ARID1B: variants seen among roughly 807,000 people sequenced by gnomAD.
ARID1B encodes AT-rich interactive domain-containing protein 1B.
ARID1B carries 30 observed loss-of-function variants against 212.3 expected under a neutral mutation model. That is an observed-to-expected ratio of 0.14 (90% CI 0.11 to 0.19). ARID1B has a LOEUF of 0.19. ARID1B is among the 10% of genes least tolerant of loss of function. ARID1B has a pLI of 1.00. For synonymous variants in ARID1B, 1,402 were observed against 1,301.7 expected, an observed-to-expected ratio of 1.08 and a Z score of -1.66; for missense variants, 2,891 against 3,204.0, an observed-to-expected ratio of 0.90 and a Z score of 2.36.
intron 2 of ARID1B, among the ~76,000 whole-genome samples, chr6:156,837,996 C>T (rs925780648): frequency 6.6e-6 from 1 of 152,220 alleles, no homozygotes; most frequent in African/African-American, 2.4e-5. Flanking sequence ...ACTAGATAAA[C>T]AGCAGGAGTT....
At chr6:156,917,497 G>A (rs1362505867) in intron 3 of ARID1B, among the ~76,000 whole-genome samples, 1 of 151,858 alleles carries the variant, frequency 6.6e-6, no homozygotes, top group East Asian at 1.9e-4. Flanking sequence ...CTTAGGAGAA[G>A]ATGTTGATAA....
At chr6:157,072,466 T>C (rs929681445) in intron 4 of ARID1B, 1 of 152,280 alleles carries the variant, frequency 6.6e-6, no homozygotes, top group African/African-American at 2.4e-5. Context: ...GTATTTTGTA[T>C]GTATAAATAA....
At chr6:157,103,330 C>T (rs1253964151) in intron 5 of ARID1B, among the ~76,000 whole-genome samples, 1 of 151,866 alleles carries the variant, frequency 6.6e-6, no homozygotes, top group African/African-American at 2.4e-5. Flanking sequence ...ACCAAACAGT[C>T]TGAATTTTCT....
At chr6:156,956,687 A>G (rs1021249094) in intron 4 of ARID1B, among the ~76,000 whole-genome samples, 3 of 152,204 alleles carry the variant, frequency 2.0e-5, no homozygotes, top group South Asian at 2.1e-4. Flanking sequence ...AATTTTGTTT[A>G]TAGCATGTGT....
chr6:157,208,666 T>C lies in ARID1B; in HGVS notation c.*775T>C, dbSNP rs377406756. 8 of 232,230 alleles carry C rather than the reference T, an allele frequency of 3.4e-5. No individual in the cohort carries two copies. Among genetic ancestry groups the C allele is most frequent in the South Asian group, 3.6e-4 (2 of 5,516 alleles). 14.4% of individuals were successfully genotyped at this position (232,230 alleles called of 1,614,324 possible). A position where few individuals can be genotyped will look rare whatever the true frequency, so the allele number is the denominator to read the frequency against. On this transcript the variant is annotated 3_prime_UTR_variant, in exon 20 of 20. Transcript: ENST00000636930. The stretch of plus-strand genomic sequence containing the variant: ...TATTTTTTTTACTGCCTATGGGCTG[T>C]GATGTATATAGAAGTTGTACATTAA...
intron 2 of ARID1B, among the ~76,000 whole-genome samples, chr6:156,897,257 T>C (rs1788533227): frequency 7.6e-6 from 1 of 130,794 alleles, no homozygotes. Context: ...TTCTTCTTCT[T>C]CTTCTTCTTA....
chr6:156,803,078 T>A (rs1426367858), intron 1 of ARID1B, among the ~76,000 whole-genome samples: 6 of 152,204 alleles, frequency 3.9e-5, no homozygotes, highest in African/African-American at 7.2e-5. Context: ...TGTTTTTTTT[T>A]AAATTACTGC....
intron 5 of ARID1B, among the ~76,000 whole-genome samples, chr6:157,107,378 A>C (rs1786570176): frequency 6.6e-6 from 1 of 152,204 alleles, no homozygotes; most frequent in African/African-American, 2.4e-5. Context: ...TAAGATGTTA[A>C]CATTGGAGGA....
chr6:157,177,942 C>T (rs1010126945), intron 11 of ARID1B, among the ~76,000 whole-genome samples: 1 of 152,150 alleles, frequency 6.6e-6, no homozygotes, highest in Admixed American at 6.5e-5. Flanking sequence ...TGAACAAGGA[C>T]AGTATGTTTG....
intron 4 of ARID1B, among the ~76,000 whole-genome samples, chr6:156,999,065 CT>C (rs982880009): frequency 1.3e-5 from 2 of 152,166 alleles, no homozygotes; most frequent in Admixed American, 1.3e-4. Flanking sequence ...GTCCTCAAAC[CT>C]TCTGGGCCAG....
chr6:156,922,486 G>GTAA (rs1489289879), intron 3 of ARID1B, among the ~76,000 whole-genome samples: 1 of 152,072 alleles, frequency 6.6e-6, no homozygotes, highest in African/African-American at 2.4e-5. Flanking sequence ...TAGCTCTTTA[G>GTAA]ACTAGAGTTA....
intron 1 of ARID1B, among the ~76,000 whole-genome samples, chr6:156,825,547 G>C (rs1378965542): frequency 6.6e-6 from 1 of 152,196 alleles, no homozygotes; most frequent in Non-Finnish European, 1.5e-5. Context: ...TTTAGTCACT[G>C]ATAAGATGAA....
chr6:157,047,135 A>G (rs904265859), intron 4 of ARID1B, among the ~76,000 whole-genome samples: 3 of 152,246 alleles, frequency 2.0e-5, no homozygotes, highest in African/African-American at 7.2e-5. Flanking sequence ...AACCCAATGT[A>G]CTAGGACTCT....
intron 4 of ARID1B, among the ~76,000 whole-genome samples, chr6:156,974,544 C>G (rs151043175): frequency 2.1e-4 from 32 of 152,264 alleles, no homozygotes; most frequent in African/African-American, 7.2e-4. Context: ...CAAAAACCCC[C>G]ACATGTACTC....
At chr6:156,906,875 AT>A (rs1301149911) in intron 3 of ARID1B, among the ~76,000 whole-genome samples, 1 of 152,102 alleles carries the variant, frequency 6.6e-6, no homozygotes, top group Non-Finnish European at 1.5e-5. Flanking sequence ...TACATACCTT[AT>A]TTTTTGTTGC....
At chr6:156,849,647 T>G (rs1318176192) in intron 2 of ARID1B, among the ~76,000 whole-genome samples, 1 of 152,212 alleles carries the variant, frequency 6.6e-6, no homozygotes, top group African/African-American at 2.4e-5. Flanking sequence ...ATTTTCTCCT[T>G]CTTTTCTTGT....
At chr6:157,026,385 C>A (rs528119696) in intron 4 of ARID1B, among the ~76,000 whole-genome samples, 1 of 152,322 alleles carries the variant, frequency 6.6e-6, no homozygotes, top group Admixed American at 6.5e-5. Context: ...AATCATATAT[C>A]AATCGTATTT....
At chr6:157,100,428 G>C (rs189740474) in intron 5 of ARID1B, among the ~76,000 whole-genome samples, 140 of 152,300 alleles carry the variant, frequency 9.2e-4, no homozygotes, top group African/African-American at 3.3e-3. Flanking sequence ...TCAGTAGTTT[G>C]CTTGGAGCAT....
intron 4 of ARID1B, among the ~76,000 whole-genome samples, chr6:157,067,668 C>A (rs1229938526): frequency 6.6e-6 from 1 of 152,204 alleles, no homozygotes; most frequent in Non-Finnish European, 1.5e-5. Flanking sequence ...GCTTTCCTTG[C>A]ATTTTTCCGC....
Sources: allele counts gnomAD v4.1 joint callset (sites outside exome capture counted in the v4.1 genomes callset), GRCh38; gene constraint gnomAD v4.1.1; transcripts MANE v1.5; gene names NCBI Gene and HGNC (gene_info 2026-07-23, HGNC 2026-07-21).